NEBL: variants seen among roughly 807,000 people sequenced by gnomAD.
NEBL encodes nebulette.
NEBL carries 122 observed loss-of-function variants against 140.2 expected under a neutral mutation model. That is an observed-to-expected ratio of 0.87 (90% CI 0.75 to 1.01). The LOEUF (loss-of-function observed/expected upper bound fraction) is 1.01, where lower values mean the gene tolerates loss of function less well. NEBL is among the 50% of genes least tolerant of loss of function. The probability of loss-of-function intolerance (pLI) is 0.00; values close to 1 mark genes in which losing one functional copy is unlikely to be tolerated. For missense variants in NEBL, 1,365 were observed against 1,231.3 expected (o/e 1.11, Z -1.62); for synonymous variants, 436 against 398.9 (o/e 1.09, Z -1.11).
chr10:20,790,366 G>A (rs1835847285), intron 26 of NEBL, among the ~76,000 whole-genome samples: 1 of 151,904 alleles, frequency 6.6e-6, no homozygotes, highest in Admixed American at 6.6e-5. Context: ...ACTTTGGTAG[G>A]CTGAGGTGGG....
intron 2 of NEBL, among the ~76,000 whole-genome samples, chr10:20,893,375 T>C (rs935369214): frequency 3.9e-5 from 6 of 152,140 alleles, no homozygotes; most frequent in Non-Finnish European, 7.4e-5. Flanking sequence ...GAGAAAATAA[T>C]AGTATTATGT....
Position 21,103,993 on chromosome 10 carries a change from T to C in NEBL, c.164+68390A>G, listed in dbSNP as rs142401270. Reference sequence around the variant, plus strand: ...CTGTGAGGTAAGTGCTCAGGTTTTGTTTTGTTTTCTTTTCATGCTTCTGGA... The same window carrying C: ...CTGTGAGGTAAGTGCTCAGGTTTTGCTTTGTTTTCTTTTCATGCTTCTGGA... On this transcript the variant is annotated intron_variant, in intron 2 of 6. Coordinates refer to the NEBL transcript ENST00000417816. 1.1e-4 allele frequency among the ~76,000 whole-genome samples: 17 copies of C among 152,276 alleles called. No homozygotes were observed. In the East Asian group the frequency reaches 3.3e-3, roughly 29 times the overall value.
chr10:21,006,930 G>A (rs1399691773), intron 3 of NEBL, among the ~76,000 whole-genome samples: 1 of 152,142 alleles, frequency 6.6e-6, no homozygotes, highest in African/African-American at 2.4e-5. Context: ...GTTGGGTGGG[G>A]AAAGAAAAAC....
intron 2 of NEBL, among the ~76,000 whole-genome samples, chr10:21,108,263 A>C (rs1016932819): frequency 1.3e-5 from 2 of 152,130 alleles, no homozygotes; most frequent in Non-Finnish European, 2.9e-5. Flanking sequence ...TAGGGTGTCA[A>C]CATTAGATCT....
At chr10:20,879,331 G>C (rs751516259) in intron 5 of NEBL, among the ~76,000 whole-genome samples, 1 of 152,152 alleles carries the variant, frequency 6.6e-6, no homozygotes, top group Non-Finnish European at 1.5e-5. Flanking sequence ...GTGCATGGCT[G>C]TGCTCAGTAA....
At chr10:20,949,129 C>A (rs548427519) in intron 4 of NEBL, among the ~76,000 whole-genome samples, 2 of 151,938 alleles carry the variant, frequency 1.3e-5, no homozygotes, top group East Asian at 1.9e-4. Flanking sequence ...ATTTGAATAC[C>A]CTTTATTTCT....
intron 2 of NEBL, among the ~76,000 whole-genome samples, chr10:21,042,816 A>G (rs1254935444): frequency 6.6e-6 from 1 of 152,268 alleles, no homozygotes; most frequent in Non-Finnish European, 1.5e-5. Flanking sequence ...ACATGATAAG[A>G]AGTACACATT....
Position 20,919,787 on chromosome 10 carries a change from C to T in NEBL, c.357+41885G>A, listed in dbSNP as rs116348608. ...ACCATTCCTAACTCAAAATCCGGAA[C>T]CTACAGGAAAAATAACAACTACATA... On this transcript the variant is annotated intron_variant, in intron 4 of 6. Transcript: ENST00000417816. Among the ~76,000 whole-genome samples the T allele has an allele frequency of 4.5e-3, 681 of 152,070 alleles. 4 individuals carry two copies. The highest frequency in any genetic ancestry group is 0.016 in the African/African-American group (657 of 41,444).
intron 2 of NEBL, among the ~76,000 whole-genome samples, chr10:21,132,591 A>G (rs951174087): frequency 4.6e-5 from 7 of 152,192 alleles, no homozygotes; most frequent in African/African-American, 1.4e-4. Flanking sequence ...GCACCATTTT[A>G]CACTCCCACC....
chr10:20,797,025 G>A (rs746542306), intron 26 of NEBL, among the ~76,000 whole-genome samples: 2 of 152,128 alleles, frequency 1.3e-5, no homozygotes, highest in African/African-American at 2.4e-5. Context: ...CTTCGATAAG[G>A]GGAAAGCAAT....
chr10:21,072,368 C>T (rs1835854953), intron 2 of NEBL, among the ~76,000 whole-genome samples: 1 of 152,192 alleles, frequency 6.6e-6, no homozygotes, highest in South Asian at 2.1e-4. Context: ...ATATGTACAT[C>T]TCCCGAGACT....
At chr10:21,053,223 T>G (rs1477890825) in intron 2 of NEBL, among the ~76,000 whole-genome samples, 2 of 152,136 alleles carry the variant, frequency 1.3e-5, no homozygotes, top group East Asian at 3.9e-4. Context: ...CCCTACCATC[T>G]TGAGCATATA....
intron 26 of NEBL, among the ~76,000 whole-genome samples, chr10:20,796,386 A>C (rs1836539646): frequency 6.6e-6 from 1 of 151,138 alleles, no homozygotes; most frequent in Non-Finnish European, 1.5e-5. Flanking sequence ...AAAAAAAAAA[A>C]AAAAAAAACT....
rs548221755 is a variant in NEBL at position 20,917,308 on chromosome 10, ACATTC to A, written c.357+44359_357+44363del. On this transcript the variant is annotated intron_variant, in intron 4 of 6. Transcript: ENST00000417816. ...TATTGTATTTTCACATTAGCCTGAT[ACATTC>A]CATTCATTTCTTTCTTCAAGGGTCC... Among the ~76,000 whole-genome samples, 79 of 152,328 alleles carry A rather than the reference ACATTC, an allele frequency of 5.2e-4. 1 individual carries two copies. In the South Asian group the frequency reaches 0.011, roughly 21 times the overall value.
intron 5 of NEBL, among the ~76,000 whole-genome samples, chr10:20,870,335 A>AC (rs1294029701): frequency 3.3e-5 from 5 of 151,754 alleles, no homozygotes; most frequent in African/African-American, 9.7e-5. Context: ...CAAAAAAAAA[A>AC]AAAAAAAAAA....
At chr10:21,024,930 G>A (rs1486302660) in intron 2 of NEBL, among the ~76,000 whole-genome samples, 1 of 152,196 alleles carries the variant, frequency 6.6e-6, no homozygotes, top group Non-Finnish European at 1.5e-5. Flanking sequence ...CGAATCGGTA[G>A]CACCATACAA....
chr10:21,138,073 A>G (rs1195437713), intron 2 of NEBL, among the ~76,000 whole-genome samples: 1 of 152,146 alleles, frequency 6.6e-6, no homozygotes, highest in East Asian at 1.9e-4. Context: ...CCTCCTTGCC[A>G]AGTCCTCCAC....
chr10:20,928,453 A>T (rs1189168680), intron 4 of NEBL, among the ~76,000 whole-genome samples: 2 of 152,144 alleles, frequency 1.3e-5, no homozygotes, highest in Non-Finnish European at 2.9e-5. Flanking sequence ...CAGCATAAAC[A>T]ACTGAACTGA....
Position 21,285,246 on chromosome 10 carries a change from C to A in NEBL, n.182+7584G>T, listed in dbSNP as rs187371529. On this transcript the variant is annotated intron_variant and non_coding_transcript_variant, in intron 1 of 8. Transcript: ENST00000675702. ...TAAGGCTTGTGAAAGAAAAATAAAT[C>A]TTGGGGCCCCAAATCACTAAGCTAA... Among the ~76,000 whole-genome samples, 12 of 152,284 alleles carry A rather than the reference C, an allele frequency of 7.9e-5. No homozygotes were observed. In the East Asian group the frequency reaches 2.1e-3, roughly 27 times the overall value.
Sources: allele counts gnomAD v4.1 joint callset (sites outside exome capture counted in the v4.1 genomes callset), GRCh38; gene constraint gnomAD v4.1.1; transcripts MANE v1.5; gene names NCBI Gene and HGNC (gene_info 2026-07-23, HGNC 2026-07-21).